Variants in TGIF1 observed in about 807,000 individuals in gnomAD.
The protein encoded by TGIF1 is homeobox protein TGIF1.
A neutral mutation model predicts 19.3 loss-of-function variants in TGIF1; 4 were observed. The observed-to-expected ratio is 0.21, with a 90% CI of 0.10 to 0.47. The LOEUF (loss-of-function observed/expected upper bound fraction) is 0.47. TGIF1 is among the 20% of genes least tolerant of loss of function. TGIF1 has a pLI of 0.98. For synonymous variants in TGIF1, 122 were observed against 129.3 expected (o/e 0.94, Z 0.38); for missense variants, 275 against 341.4 (o/e 0.81, Z 1.53).
At chr18:3,415,339 A>G (rs1463234101) in intron 1 of TGIF1, 4 of 352,864 alleles carry the variant, frequency 1.1e-5, no homozygotes, top group South Asian at 2.3e-5. Context: ...CTGGAATCTT[A>G]TGATGCGCAA....
At chr18:3,455,135 ACTG>A (rs2083124779) in intron 1 of TGIF1, 1 of 152,208 alleles carries the variant, frequency 6.6e-6, no homozygotes, top group Non-Finnish European at 1.5e-5. Flanking sequence ...ATATAGAAGT[ACTG>A]ATTTTTTTCA....
At position 3,450,510 on chromosome 18, in the gene TGIF1, G is replaced by C; in HGVS notation, c.16+5G>C. 1 of 1,561,296 alleles carries C rather than the reference G, an allele frequency of 6.4e-7. No homozygotes were observed. The highest frequency in any genetic ancestry group is 8.7e-7 in the Non-Finnish European group (1 of 1,153,100). On this transcript the variant is annotated splice_donor_5th_base_variant and intron_variant, in intron 1 of 2. Coordinates refer to ENST00000343820, the MANE Select transcript of TGIF1 (RefSeq NM_003244.4). The stretch of plus-strand genomic sequence containing the variant: ...CCAGAATGAAAGGCAAGAAAGGTAA[G>C]GCGGCCGCGGGCTGCGCGCACCAGA...
At chr18:3,422,233 C>A (rs2143139430) in intron 2 of TGIF1, among the ~76,000 whole-genome samples, 1 of 146,150 alleles carries the variant, frequency 6.8e-6, no homozygotes, top group African/African-American at 2.5e-5. Flanking sequence ...TGATCCTGAC[C>A]CTGTGTAGGC....
At chr18:3,430,048 C>T (rs553422404) in intron 2 of TGIF1, among the ~76,000 whole-genome samples, 18 of 152,102 alleles carry the variant, frequency 1.2e-4, no homozygotes, top group Non-Finnish European at 2.2e-4. Flanking sequence ...CCCAGATACT[C>T]GGGAGGCTGA....
chr18:3,447,823 T>C, upstream of TGIF1: 1 of 1,613,394 alleles, frequency 6.2e-7, no homozygotes, highest in Non-Finnish European at 8.5e-7. Flanking sequence ...CGTTTTTTCC[T>C]CCCCCTAATT....
Position 3,457,420 on chromosome 18 carries a change from A to G in TGIF1, c.299A>G (p.Lys100Arg), listed in dbSNP as rs749817664. The change falls in exon 3 of 3, where the codon AAG becomes AGG. Residue 100 changes from lysine to arginine, a missense_variant. Coordinates refer to ENST00000343820, the MANE Select transcript of TGIF1 (RefSeq NM_003244.4). This position sits in a 1 kb window ranked among gnomAD's most constrained non-coding sequence, Gnocchi z 4.9. ...AGGCTCCTCCCTGACATGCTGAGAA[A>G]GGATGGCAAAGATCCAAATCAGTTC... ...RRRLLPDMLR[K>R]DGKDPNQFTI... is the part of the protein sequence containing the mutation. 7 of 1,614,246 alleles carry G rather than the reference A, an allele frequency of 4.3e-6. No homozygotes were observed. In the Admixed American group the frequency reaches 1.2e-4, roughly 27 times the overall value.
At position 3,450,192 on chromosome 18, in the gene TGIF1, C is replaced by A; in HGVS notation, c.-298C>A. The A allele has an allele frequency of 2.2e-5, 30 of 1,351,654 alleles. No homozygotes were observed. The highest frequency in any genetic ancestry group is 2.8e-5 in the Non-Finnish European group (29 of 1,050,132). 83.7% of individuals were successfully genotyped at this position (1,351,654 alleles called of 1,614,324 possible). ...CTCTCACTCTGACAGCGCCGAGGTGCGCCGAGCAGGAGCAGGGAACAAAGG... is the reference window on the plus strand; with the variant it reads ...CTCTCACTCTGACAGCGCCGAGGTGAGCCGAGCAGGAGCAGGGAACAAAGG... On this transcript the variant is annotated 5_prime_UTR_variant, in exon 1 of 3. Transcript: ENST00000343820.
At chr18:3,449,312 A>G (rs881835), upstream of TGIF1, 61,009 of 879,130 alleles carry the variant, frequency 0.069, 2,227 homozygotes, top group South Asian at 0.1. Context: ...CCCCTTAGCT[A>G]TAAAAGTGGC....
chr18:3,431,089 A>G (rs1260662328), intron 2 of TGIF1, among the ~76,000 whole-genome samples: 1 of 152,218 alleles, frequency 6.6e-6, no homozygotes, highest in Admixed American at 6.5e-5. Flanking sequence ...AGTCGAAAGG[A>G]TAAGGCACCC....
At chr18:3,431,401 A>G (rs1451195260) in intron 2 of TGIF1, among the ~76,000 whole-genome samples, 2 of 152,132 alleles carry the variant, frequency 1.3e-5, no homozygotes, top group Non-Finnish European at 2.9e-5. Context: ...GTGCCATTGC[A>G]CTCCAGTCTG....
At chr18:3,422,879 C>T (rs559953347) in intron 2 of TGIF1, among the ~76,000 whole-genome samples, 150 of 151,814 alleles carry the variant, frequency 9.9e-4, no homozygotes, top group Admixed American at 9.3e-3. Context: ...TTAGTAGAGA[C>T]GGGGTTTCAC....
chr18:3,445,917 T>C (rs1460990178), upstream of TGIF1, among the ~76,000 whole-genome samples: 1 of 152,060 alleles, frequency 6.6e-6, no homozygotes, highest in African/African-American at 2.4e-5. Context: ...TCCACATCCA[T>C]CTGACCTTCT....
chr18:3,452,409 G>T, intron 1 of TGIF1: 1 of 1,613,016 alleles, frequency 6.2e-7, no homozygotes, highest in South Asian at 1.1e-5. Flanking sequence ...GAAACTTTGC[G>T]ACTGGTTCAG....
In TGIF1 at chr18:3,451,555, C is replaced by A; in HGVS notation, c.16+1050C>A. The A allele has an allele frequency of 9.9e-7, 1 of 1,012,496 alleles. No homozygotes were observed. Among genetic ancestry groups the A allele is most frequent in the Non-Finnish European group, 1.2e-6 (1 of 848,486 alleles). The allele number at this position is 1,012,496 out of a possible 1,614,324, so 62.7% of individuals were successfully genotyped here. ...GAAGCGGACGGGAGGGGCGGCGCTA[C>A]TGCGCATGCCCGGGAGCCGCCTGGA... On this transcript the variant is annotated intron_variant, in intron 1 of 2. Coordinates refer to ENST00000343820, the MANE Select transcript of TGIF1 (RefSeq NM_003244.4). The surrounding 1 kb of genome is among the most constrained non-coding windows in gnomAD (Gnocchi z 5.4).
chr18:3,448,582 AG>A (rs2082795161), upstream of TGIF1: 1 of 985,518 alleles, frequency 1.0e-6, no homozygotes, highest in Non-Finnish European at 1.2e-6. Flanking sequence ...AAACCACAGA[AG>A]AAAAAAATCG....
intron 2 of TGIF1, among the ~76,000 whole-genome samples, chr18:3,432,165 G>A (rs148592551): frequency 4.7e-5 from 7 of 149,532 alleles, no homozygotes; most frequent in African/African-American, 1.7e-4. Flanking sequence ...GCTAAGGAAG[G>A]CGAAATATCA....
chr18:3,449,819 G>T (rs2082843206), upstream of TGIF1: 1 of 985,512 alleles, frequency 1.0e-6, no homozygotes, highest in Non-Finnish European at 1.2e-6. Flanking sequence ...GGAGGGAGGT[G>T]TCCTTTTTTC....
chr18:3,421,022 C>T (rs572427066), intron 2 of TGIF1, among the ~76,000 whole-genome samples: 3 of 152,100 alleles, frequency 2.0e-5, no homozygotes, highest in East Asian at 1.9e-4. Flanking sequence ...AGACAGACTA[C>T]GTATATGATG....
chr18:3,451,562 T>A lies in TGIF1; in HGVS notation c.16+1057T>A. 2 of 1,017,892 alleles carry A rather than the reference T, an allele frequency of 2.0e-6. No homozygotes were observed. Among genetic ancestry groups the A allele is most frequent in the Non-Finnish European group, 2.3e-6 (2 of 852,058 alleles). The allele number at this position is 1,017,892 out of a possible 1,614,324, so 63.1% of individuals were successfully genotyped here. A position where few individuals can be genotyped will look rare whatever the true frequency, so the allele number is the denominator to read the frequency against. On this transcript the variant is annotated intron_variant, in intron 1 of 2. Transcript: ENST00000343820. The surrounding 1 kb of genome is among the most constrained non-coding windows in gnomAD (Gnocchi z 5.4). ...ACGGGAGGGGCGGCGCTACTGCGCA[T>A]GCCCGGGAGCCGCCTGGAGTTTGGA...
Sources: allele counts gnomAD v4.1 joint callset (sites outside exome capture counted in the v4.1 genomes callset), GRCh38; gene constraint gnomAD v4.1.1; non-coding constraint Gnocchi (gnomAD v3.1); transcripts MANE v1.5; gene names NCBI Gene and HGNC (gene_info 2026-07-23, HGNC 2026-07-21).